Variants in SPRY3 observed in about 807,000 individuals in gnomAD.
The protein encoded by SPRY3 is sprouty RTK signaling antagonist 3.
A neutral mutation model predicts 20.2 loss-of-function variants in SPRY3; 15 were observed. The observed-to-expected ratio is 0.74, with a 90% confidence interval of 0.50 to 1.14. The LOEUF (loss-of-function observed/expected upper bound fraction) is 1.14. Ranked by LOEUF, SPRY3 falls within the 50% of genes most tolerant of loss-of-function variation. SPRY3 has a pLI of 0.00. For synonymous variants in SPRY3, 143 were observed against 136.5 expected (o/e 1.05, Z -0.33); for missense variants, 364 against 363.9 (o/e 1.00, Z 0.00).
At chrX:155,763,168 C>T (rs899120019) in intron 2 of SPRY3, among the ~76,000 whole-genome samples, 10 of 152,054 alleles carry the variant, frequency 6.6e-5, no homozygotes, top group African/African-American at 2.2e-4. Context: ...ACATTGGGTA[C>T]TCAGGGACAT....
At chrX:155,668,447 CT>C (rs1352133246) in intron 2 of SPRY3, among the ~76,000 whole-genome samples, 1 of 110,956 alleles carries the variant, frequency 9.0e-6, no homozygotes, top group Non-Finnish European at 1.9e-5. Context: ...CCAGAGGGAA[CT>C]TTCTAGGGTG....
intron 2 of SPRY3, among the ~76,000 whole-genome samples, chrX:155,672,451 G>A (rs1285249222): frequency 2.7e-5 from 3 of 111,377 alleles, no homozygotes; most frequent in Non-Finnish European, 5.7e-5. Flanking sequence ...GCAGCCAAAA[G>A]ACACATGAAA....
chrX:155,655,774 T>C (rs1403543752), intron 1 of SPRY3, among the ~76,000 whole-genome samples: 3 of 112,077 alleles, frequency 2.7e-5, no homozygotes, highest in Non-Finnish European at 5.6e-5. Flanking sequence ...AGTGCTTCCT[T>C]CCAGAGCTCT....
chrX:155,646,932 A>G (rs188547017), intron 1 of SPRY3, among the ~76,000 whole-genome samples: 42 of 111,881 alleles, frequency 3.8e-4, no homozygotes, highest in African/African-American at 1.4e-3. Context: ...TGAGCTTGTC[A>G]TATATAGCCT....
chrX:155,708,151 A>T (rs1602952717), intron 2 of SPRY3, among the ~76,000 whole-genome samples: 1 of 151,278 alleles, frequency 6.6e-6, no homozygotes, highest in African/African-American at 2.4e-5. Flanking sequence ...GTCATCTGGT[A>T]TGTGTTTCCT....
intron 1 of SPRY3, among the ~76,000 whole-genome samples, chrX:155,647,189 T>C (rs1557351953): frequency 8.9e-6 from 1 of 111,900 alleles, no homozygotes; most frequent in African/African-American, 3.2e-5. Flanking sequence ...TTGTCTCTAT[T>C]TCTCCCTTCA....
intron 2 of SPRY3, among the ~76,000 whole-genome samples, chrX:155,764,192 C>T (rs1210103019): frequency 2.0e-5 from 3 of 152,132 alleles, no homozygotes; most frequent in Non-Finnish European, 4.4e-5. Context: ...AACAGGAGAC[C>T]TGTGTTCACT....
intron 2 of SPRY3, among the ~76,000 whole-genome samples, chrX:155,725,185 G>A (rs891676239): frequency 1.3e-5 from 2 of 152,126 alleles, no homozygotes; most frequent in African/African-American, 4.8e-5. Flanking sequence ...GATCATGGTG[G>A]ATAAGCTTTT....
At chrX:155,661,747 T>C (rs991829616) in intron 2 of SPRY3, among the ~76,000 whole-genome samples, 3 of 111,844 alleles carry the variant, frequency 2.7e-5, no homozygotes, top group Non-Finnish European at 3.8e-5. Context: ...CTTTTTTCTT[T>C]ATTTCTGTCT....
intron 2 of SPRY3, among the ~76,000 whole-genome samples, chrX:155,681,411 A>T (rs917413505): frequency 8.9e-6 from 1 of 111,867 alleles, no homozygotes; most frequent in African/African-American, 3.3e-5. Flanking sequence ...TTCTTTTGTA[A>T]ATTGCCCAGT....
chrX:155,709,610 G>A (rs1194543250), intron 2 of SPRY3, among the ~76,000 whole-genome samples: 1 of 151,512 alleles, frequency 6.6e-6, no homozygotes, highest in Non-Finnish European at 1.5e-5. Flanking sequence ...CCATTCTGTG[G>A]GTTGTCTCTT....
intron 2 of SPRY3, among the ~76,000 whole-genome samples, chrX:155,684,139 G>A (rs1369373762): frequency 9.0e-6 from 1 of 110,909 alleles, no homozygotes; most frequent in Non-Finnish European, 1.9e-5. Flanking sequence ...GTGAGATGAT[G>A]GAGTGTTTGA....
At position 155,716,289 on chromosome X, in the gene SPRY3, T is replaced by C. The variant is rs1392982468; in HGVS notation, c.-281-51673T>C. On this transcript the variant is annotated intron_variant, in intron 2 of 3. Transcript: ENST00000675360. ...TTTACAGCAGTTTTTCTTTTGGGAA[T>C]CATACTCTTCAACCCTATACTTTTT... Among the ~76,000 whole-genome samples the C allele has an allele frequency of 2.6e-5, 4 of 152,220 alleles. No homozygotes were observed. In the East Asian group the frequency reaches 7.7e-4, roughly 29 times the overall value.
chrX:155,761,181 A>G (rs1416915738), intron 2 of SPRY3, among the ~76,000 whole-genome samples: 1 of 152,134 alleles, frequency 6.6e-6, no homozygotes, highest in South Asian at 2.1e-4. Context: ...AAATTCATTG[A>G]ATACTTTAAA....
chrX:155,774,572 G>T (rs1354885068), exon 4 of SPRY3: 3 of 1,613,848 alleles, frequency 1.9e-6, no homozygotes. Flanking sequence ...TTCCTACCCT[G>T]CCTGTGCTGC....
At chrX:155,670,308 C>G (rs1557354643) in intron 2 of SPRY3, among the ~76,000 whole-genome samples, 2 of 112,010 alleles carry the variant, frequency 1.8e-5, no homozygotes, top group African/African-American at 6.5e-5. Flanking sequence ...TTCTTTCTCT[C>G]TAAGCCTATC....
intron 2 of SPRY3, among the ~76,000 whole-genome samples, chrX:155,758,127 T>C (rs1312873134): frequency 1.3e-5 from 2 of 152,228 alleles, no homozygotes; most frequent in Non-Finnish European, 2.9e-5. Context: ...AATGAGAGGA[T>C]GAAACGATTC....
chrX:155,765,054 A>C (rs1320893489), intron 2 of SPRY3, among the ~76,000 whole-genome samples: 2 of 152,150 alleles, frequency 1.3e-5, no homozygotes, highest in African/African-American at 2.4e-5. Context: ...TTATAAGAGA[A>C]CTAATCCCAT....
chrX:155,656,012 C>G (rs1158452133), intron 1 of SPRY3, among the ~76,000 whole-genome samples: 1 of 112,033 alleles, frequency 8.9e-6, no homozygotes, highest in African/African-American at 3.2e-5. Flanking sequence ...TGACCTTTCT[C>G]TCTGGCTGCC....
Sources: allele counts gnomAD v4.1 joint callset (sites outside exome capture counted in the v4.1 genomes callset), GRCh38; gene constraint gnomAD v4.1.1; transcripts MANE v1.5; gene names NCBI Gene and HGNC (gene_info 2026-07-23, HGNC 2026-07-21).